Variants in PUS7L observed in about 807,000 individuals in gnomAD.
PUS7L encodes the protein pseudouridine synthase 7 like, also known as pseudouridylate synthase PUS7L.
Under a neutral mutation model 51.1 loss-of-function variants are expected in PUS7L, and 49 were observed. The ratio of observed to expected loss-of-function variants is 0.96; its 90% confidence interval spans 0.76 to 1.22. The LOEUF (loss-of-function observed/expected upper bound fraction) is 1.22, where lower values mean the gene tolerates loss of function less well. PUS7L is among the 50% of genes most tolerant of loss of function. The probability of loss-of-function intolerance (pLI) is 0.00; values close to 1 mark genes in which losing one functional copy is unlikely to be tolerated. For missense variants in PUS7L, 828 were observed against 820.6 expected (o/e 1.01, Z -0.11); for synonymous variants, 277 against 276.2 (o/e 1.00, Z -0.03).
rs537746210 is a variant in PUS7L at position 43,720,504 on chromosome 12, C to G, written c.*9872G>C. 2.6e-5 allele frequency: 4 copies of G among 152,294 alleles called. No individual in the cohort carries two copies. Among genetic ancestry groups the G allele is most frequent in the Admixed American group, 2.0e-4 (3 of 15,294 alleles). The allele number at this position is 152,294 out of a possible 1,614,324, so 9.4% of individuals were successfully genotyped here. On this transcript the variant is annotated 3_prime_UTR_variant, in exon 9 of 9. Coordinates refer to ENST00000344862, the MANE Select transcript of PUS7L (RefSeq NM_031292.5). ...AAACAAAAAATAAATAAGTGCATCT[C>G]TTAATTTCTGATATATAGAGATTTT...
intron 6 of PUS7L, among the ~76,000 whole-genome samples, chr12:43,736,865 TAAAAA>T (rs369648072): frequency 2.2e-5 from 3 of 139,040 alleles, no homozygotes; most frequent in African/African-American, 5.3e-5. Context: ...TCCCTGCTAT[TAAAAA>T]AAAAAAAAGC....
rs1306486227 is a variant in PUS7L, at chr12:43,730,256, T to C, written c.*120A>G. 11 of 689,314 alleles carry C rather than the reference T, an allele frequency of 1.6e-5. No individual in the cohort carries two copies. The highest frequency in any genetic ancestry group is 1.5e-5 in the Non-Finnish European group (6 of 413,652). 42.7% of individuals were successfully genotyped at this position (689,314 alleles called of 1,614,324 possible). On this transcript the variant is annotated 3_prime_UTR_variant, in exon 9 of 9. Coordinates refer to ENST00000344862, the MANE Select transcript of PUS7L (RefSeq NM_031292.5). ...ATCAAATCCTAACTTCTCAGGATGC[T>C]GTGAAAATTAAAAGAGATAACAATT...
At chr12:43,747,567 G>A (rs1287354351) in intron 3 of PUS7L, among the ~76,000 whole-genome samples, 5 of 151,838 alleles carry the variant, frequency 3.3e-5, no homozygotes, top group African/African-American at 7.3e-5. Context: ...GGTGGTGGGC[G>A]CCTGTAATCC....
intron 1 of PUS7L, chr12:43,758,359 C>CT (rs1938954889): frequency 2.0e-6 from 2 of 985,470 alleles, no homozygotes; most frequent in Non-Finnish European, 2.4e-6. Flanking sequence ...GAGACTGCTG[C>CT]TGACAGTGGG....
At chr12:43,739,123 G>A (rs575231939) in intron 5 of PUS7L, 93 of 152,608 alleles carry the variant, frequency 6.1e-4, no homozygotes, top group Non-Finnish European at 1.2e-3. Flanking sequence ...TAAAGTGAAA[G>A]ATCAAGAACC....
At position 43,723,270 on chromosome 12, in the gene PUS7L, G is replaced by A. The variant is rs1314848946; in HGVS notation, c.*7106C>T. On this transcript the variant is annotated 3_prime_UTR_variant, in exon 9 of 9. Coordinates refer to ENST00000344862, the MANE Select transcript of PUS7L (RefSeq NM_031292.5). ...ATTAGAGTCATTTTCTTTACTTAGA[G>A]GTATTCTTGACAACCCACACTGAAA... is the stretch of plus-strand genomic sequence containing the variant. The A allele has an allele frequency of 6.6e-6, 1 of 152,050 alleles. No homozygotes were observed. The highest frequency in any genetic ancestry group is 2.4e-5 in the African/African-American group (1 of 41,446). The allele number at this position is 152,050 out of a possible 1,614,324, so 9.4% of individuals were successfully genotyped here. A position where few individuals can be genotyped will look rare whatever the true frequency, so the allele number is the denominator to read the frequency against.
intron 6 of PUS7L, among the ~76,000 whole-genome samples, chr12:43,737,082 A>T (rs1479195597): frequency 6.6e-6 from 1 of 152,220 alleles, no homozygotes; most frequent in Non-Finnish European, 1.5e-5. Flanking sequence ...GAATTTTTTT[A>T]CTAAGAAAGG....
In PUS7L at chr12:43,729,678, T is replaced by C. The variant is rs1211766559; in HGVS notation, c.*698A>G. ...ACATACTCAAAATCACTAGTAAGTG[T>C]CAGAGCTAGAATCTAAGAATGAATC... is the stretch of plus-strand genomic sequence containing the variant. On this transcript the variant is annotated 3_prime_UTR_variant, in exon 9 of 9. Coordinates refer to ENST00000344862, the MANE Select transcript of PUS7L (RefSeq NM_031292.5). The C allele has an allele frequency of 6.5e-6, 1 of 153,298 alleles. No homozygotes were observed. The highest frequency in any genetic ancestry group is 1.5e-5 in the Non-Finnish European group (1 of 68,834). The allele number at this position is 153,298 out of a possible 1,614,324, so 9.5% of individuals were successfully genotyped here. A position where few individuals can be genotyped will look rare whatever the true frequency, so the allele number is the denominator to read the frequency against.
intron 2 of PUS7L, among the ~76,000 whole-genome samples, chr12:43,751,366 G>T (rs1189849097): frequency 1.1e-5 from 1 of 93,994 alleles, no homozygotes; most frequent in African/African-American, 4.4e-5. Flanking sequence ...CTCCACAACA[G>T]GACCCAGTGT....
Position 43,754,698 on chromosome 12 carries a change from A to T in PUS7L, c.548T>A (p.Phe183Tyr). ...ASLHSAIRQK[F>Y]PFLVTVGKNS... ...TTTTCCTACAGTTACTAAAAATGGA[A>T]ATTTCTGCCTAATGGCACTGTGTAA... The change falls in exon 2 of 9, where the codon TTT becomes TAT. Residue 183 changes from phenylalanine (F) to tyrosine (Y), a missense_variant. By Grantham distance (22) the Phe-to-Tyr change is conservative (BLOSUM62 3). Transcript: ENST00000344862. 1 of 1,613,932 alleles carries T rather than the reference A, an allele frequency of 6.2e-7. No homozygotes were observed. The highest frequency in any genetic ancestry group is 8.5e-7 in the Non-Finnish European group (1 of 1,179,882).
At chr12:43,742,605 G>A (rs764208850) in intron 4 of PUS7L, 50 bp from the exon 5 acceptor site, 2 of 1,490,546 alleles carry the variant, frequency 1.3e-6, no homozygotes, top group Non-Finnish European at 1.8e-6. Context: ...ATACAATTAT[G>A]TGTCAAAATA....
intron 2 of PUS7L, among the ~76,000 whole-genome samples, chr12:43,752,596 T>C (rs1453985792): frequency 6.6e-6 from 1 of 152,200 alleles, no homozygotes; most frequent in Non-Finnish European, 1.5e-5. Context: ...CATAGATGAA[T>C]CTCGACAACA....
rs1937704136 is a variant in PUS7L at position 43,738,198 on chromosome 12, A to G, written c.1444+112T>C. 8.6e-6 allele frequency: 6 copies of G among 698,842 alleles called. No individual in the cohort carries two copies. In the East Asian group the frequency reaches 1.6e-4, roughly 19 times the overall value. The allele number at this position is 698,842 out of a possible 1,614,324, so 43.3% of individuals were successfully genotyped here. A position where few individuals can be genotyped will look rare whatever the true frequency, so the allele number is the denominator to read the frequency against. Reference sequence around the variant, plus strand: ...AAGTGTTCAGTATGTAATATACTATAATTTATTTCTTATCACATTTATGTT... The same window carrying G: ...AAGTGTTCAGTATGTAATATACTATGATTTATTTCTTATCACATTTATGTT... On this transcript the variant is annotated intron_variant, in intron 6 of 8. Coordinates refer to ENST00000344862, the MANE Select transcript of PUS7L (RefSeq NM_031292.5).
chr12:43,751,864 C>T (rs1592180862), intron 2 of PUS7L, among the ~76,000 whole-genome samples: 1 of 152,116 alleles, frequency 6.6e-6, no homozygotes, highest in East Asian at 1.9e-4. Flanking sequence ...CACCTGTCAC[C>T]TGTTTCCTGA....
intron 8 of PUS7L, among the ~76,000 whole-genome samples, chr12:43,731,343 G>A (rs1254527866): frequency 6.6e-6 from 1 of 152,070 alleles, no homozygotes; most frequent in African/African-American, 2.4e-5. Flanking sequence ...AGACACAAAA[G>A]GCCATATACT....
At chr12:43,734,737 T>C (rs1188030322) in intron 7 of PUS7L, among the ~76,000 whole-genome samples, 3 of 152,154 alleles carry the variant, frequency 2.0e-5, no homozygotes, top group Admixed American at 2.0e-4. Flanking sequence ...CTTGTGTGAC[T>C]CTGAATCTGT....
intron 5 of PUS7L, 31 bp from the exon 6 acceptor site, chr12:43,738,422 A>G (rs1937720949): frequency 9.0e-7 from 1 of 1,116,642 alleles, no homozygotes; most frequent in African/African-American, 1.6e-5. Flanking sequence ...AACATGTGTT[A>G]ATGAAAATGT....
At position 43,754,868 on chromosome 12, in the gene PUS7L, G is replaced by A. The variant is rs188939058; in HGVS notation, c.378C>T (p.Ser126=). 3.7e-6 allele frequency: 6 copies of A among 1,613,702 alleles called. No homozygotes were observed. The Admixed American group carries it at 6.7e-5, about 18-fold the overall frequency. ...CATGAGTTTTTTCATCCAAAAAGGA[G>A]CTTAAAACATCAGCTTTTTCTTCAC... ...SKCEEKADVL[S]SFLDEKTHEL... Residue 126 remains serine (S), a synonymous_variant, in exon 2 of 9, where the codon AGC becomes AGT. Coordinates refer to ENST00000344862, the MANE Select transcript of PUS7L (RefSeq NM_031292.5).
At chr12:43,733,734 G>C (rs920803201) in intron 7 of PUS7L, among the ~76,000 whole-genome samples, 1 of 151,990 alleles carries the variant, frequency 6.6e-6, no homozygotes, top group Non-Finnish European at 1.5e-5. Flanking sequence ...AAATGATAAC[G>C]ATTTTTTATT....
Sources: allele counts gnomAD v4.1 joint callset (sites outside exome capture counted in the v4.1 genomes callset), GRCh38; gene constraint gnomAD v4.1.1; transcripts MANE v1.5; gene names NCBI Gene and HGNC (gene_info 2026-07-23, HGNC 2026-07-21).